SLC17A2: variants seen among roughly 807,000 people sequenced by gnomAD.
The protein encoded by SLC17A2 is sodium-dependent phosphate transport protein 3.
A neutral mutation model predicts 52.1 loss-of-function variants in SLC17A2; 38 were observed. The observed-to-expected ratio is 0.73, with a 90% CI of 0.56 to 0.96. The LOEUF (loss-of-function observed/expected upper bound fraction) is 0.96, where lower values mean the gene tolerates loss of function less well. Among genes scored for constraint, SLC17A2 ranks in the 40% least tolerant of loss-of-function variants. SLC17A2 has a pLI of 0.00. For synonymous variants in SLC17A2, 226 were observed against 211.9 expected, an observed-to-expected ratio of 1.07 and a Z score of -0.58; for missense variants, 508 against 583.9, an observed-to-expected ratio of 0.87 and a Z score of 1.34.
Position 25,925,813 on chromosome 6 carries a change from A to G in SLC17A2, c.-17T>C. The stretch of plus-strand genomic sequence containing the variant: ...CCCGTCCATTTAGCTTCTGTGGGAA[A>G]TGGTACCACGCTTTGTGGTGGAGTT... On this transcript the variant is annotated 5_prime_UTR_variant, in exon 2 of 12. Coordinates refer to ENST00000377850, the MANE Select transcript of SLC17A2 (RefSeq NM_001286123.3). 1 of 1,614,042 alleles carries G rather than the reference A, an allele frequency of 6.2e-7. No homozygotes were observed. Among genetic ancestry groups the G allele is most frequent in the Non-Finnish European group, 8.5e-7 (1 of 1,179,886 alleles).
chr6:25,924,896 G>A (rs1766702669), intron 2 of SLC17A2, among the ~76,000 whole-genome samples: 1 of 151,988 alleles, frequency 6.6e-6, no homozygotes, highest in African/African-American at 2.4e-5. Context: ...ATATTGAAAG[G>A]ACAAATTTTT....
chr6:25,918,866 C>G (rs1561877066), intron 5 of SLC17A2, among the ~76,000 whole-genome samples: 1 of 152,184 alleles, frequency 6.6e-6, no homozygotes, highest in Non-Finnish European at 1.5e-5. Flanking sequence ...AGCCCATTAG[C>G]ATTTTCTTGT....
chr6:25,913,172 G>C lies in SLC17A2; in HGVS notation c.*145C>G. ...TCTCTGGAGTGGGTCCCAAGTATCA[G>C]TGTCTTATAAAGGCTCCCCAGGGAA... On this transcript the variant is annotated 3_prime_UTR_variant, in exon 12 of 12. Coordinates refer to ENST00000377850, the MANE Select transcript of SLC17A2 (RefSeq NM_001286123.3). 1.2e-6 allele frequency: 1 copy of C among 809,054 alleles called. No individual in the cohort carries two copies. The highest frequency in any genetic ancestry group is 2.0e-6 in the Non-Finnish European group (1 of 493,092). 50.1% of individuals were successfully genotyped at this position (809,054 alleles called of 1,614,324 possible).
intron 3 of SLC17A2, among the ~76,000 whole-genome samples, chr6:25,923,049 C>T (rs565542799): frequency 2.6e-5 from 4 of 152,096 alleles, no homozygotes; most frequent in African/African-American, 9.6e-5. Flanking sequence ...TAGCCAGCCG[C>T]GGTGGCATGC....
rs111721248 is a variant in SLC17A2, at chr6:25,915,820, T to C, written c.979A>G (p.Ile327Val). 10 of 1,613,972 alleles carry C rather than the reference T, an allele frequency of 6.2e-6. 1 individual carries two copies. In the African/African-American group the frequency reaches 6.7e-5, roughly 11 times the overall value. The change falls in exon 9 of 12, where the codon ATT becomes GTT. Residue 327 changes from isoleucine (I) to valine (V), a missense_variant. Transcript: ENST00000377850. ...AAATCTGCCAGCTGACCTCCTAAAA[T>C]TGTACAGCTTGCAGCAGCAATAAAA... is the stretch of plus-strand genomic sequence containing the variant. ...LPFIAAASCT[I>V]LGGQLADFLL...
Position 25,913,780 on chromosome 6 carries a change from T to TTTTTG in SLC17A2, c.1303-330_1303-329insCAAAA, listed in dbSNP as rs1554137624. ...TGTGTTTGTGTCTTCTCTGTTTTTT[T>TTTTTG]TTGTTGTTGTTGTTGCTGTTTGTTT... On this transcript the variant is annotated intron_variant, in intron 11 of 11. Transcript: ENST00000377850. Among the ~76,000 whole-genome samples, 61 of 149,560 alleles carry TTTTTG rather than the reference T, an allele frequency of 4.1e-4. No individual in the cohort carries two copies. The Middle Eastern group carries it at 0.01, about 25-fold the overall frequency.
chr6:25,921,240 A>G lies in SLC17A2; in HGVS notation c.413T>C (p.Leu138Pro), dbSNP rs145104693. The G allele has an allele frequency of 3.1e-6, 5 of 1,614,080 alleles. No individual in the cohort carries two copies. The African/African-American group carries it at 5.3e-5, about 17-fold the overall frequency. Residue 138 changes from leucine to proline, a missense_variant, in exon 4 of 12, where the codon CTG (leucine) becomes CCG (proline). By Grantham distance (98) the Leu-to-Pro change is moderately conservative. Transcript: ENST00000377850. ...CAAAATCACTCCGAAGTCAGCAGCC[A>G]GTGGTGTAAAGAGGGTGAGAAGGGA... ...ISSLLTLFTP[L>P]AADFGVILVI...
chr6:25,918,539 C>CA lies in SLC17A2; in HGVS notation c.596dup (p.Leu202ThrfsTer17). The CA allele has an allele frequency of 6.2e-7, 1 of 1,613,640 alleles. No homozygotes were observed. Among genetic ancestry groups the CA allele is most frequent in the African/African-American group, 1.3e-5 (1 of 74,988 alleles). On this transcript the variant is annotated frameshift_variant, in exon 6 of 12. Transcript: ENST00000377850. LOFTEE classifies it high-confidence loss of function. ...TCAAGGCCTGTGAGATTAGTCCCCC[C>CA]ACACAGAGGATGATGAAGGATCCAA...
At position 25,921,249 on chromosome 6, in the gene SLC17A2, A is replaced by C; in HGVS notation, c.404T>G (p.Phe135Cys). The C allele has an allele frequency of 6.2e-7, 1 of 1,614,146 alleles. No homozygotes were observed. Residue 135 changes from phenylalanine (F) to cysteine (C), a missense_variant, in exon 4 of 12, where the codon TTT becomes TGT. Phe to Cys is a radical substitution (Grantham distance 205). Coordinates refer to ENST00000377850, the MANE Select transcript of SLC17A2 (RefSeq NM_001286123.3). ...TCCGAAGTCAGCAGCCAGTGGTGTA[A>C]AGAGGGTGAGAAGGGAAGAGATCAG... ...GLLISSLLTL[F>C]TPLAADFGVI...
Position 25,921,338 on chromosome 6 carries a change from A to G in SLC17A2, c.315T>C (p.Thr105=), listed in dbSNP as rs1193960636. The G allele has an allele frequency of 3.1e-6, 5 of 1,614,158 alleles. No individual in the cohort carries two copies. The highest frequency in any genetic ancestry group is 3.4e-6 in the Non-Finnish European group (4 of 1,180,018). ...FSSINYGIIL[T]LIPSGYLAGI... Reference sequence around the variant, plus strand: ...CTGCTAAATATCCACTTGGGATCAGAGTCAGTATTATCCCATAGTTGATGG... The same window carrying G: ...CTGCTAAATATCCACTTGGGATCAGGGTCAGTATTATCCCATAGTTGATGG... Residue 105 remains threonine, a synonymous_variant, in exon 4 of 12, where the codon ACT becomes ACC. Transcript: ENST00000377850.
rs763757789 is a variant in SLC17A2, at chr6:25,916,849, G to A, written c.769-3C>T. On this transcript the variant is annotated splice_region_variant and splice_polypyrimidine_tract_variant and intron_variant, in intron 7 of 11. Coordinates refer to ENST00000377850, the MANE Select transcript of SLC17A2 (RefSeq NM_001286123.3). ...ACAGCTCGTCCAGGAGAACTGGGCT[G>A]AAAAGAAAGATCTAATCAGCATGAG... The A allele has an allele frequency of 6.2e-7, 1 of 1,614,080 alleles. No homozygotes were observed.
Position 25,923,902 on chromosome 6 carries a change from T to C in SLC17A2, c.33A>G (p.Pro11=). 1 of 1,613,706 alleles carries C rather than the reference T, an allele frequency of 6.2e-7. No homozygotes were observed. Among genetic ancestry groups the C allele is most frequent in the Non-Finnish European group, 8.5e-7 (1 of 1,179,838 alleles). ...GCCCATAGCGTAATGAACAGAAATCTGGACCTAGACAACAACACAGATGTA... is the reference window on the plus strand; with the variant it reads ...GCCCATAGCGTAATGAACAGAAATCCGGACCTAGACAACAACACAGATGTA... MDGKPATRKG[P]DFCSLRYGLA... The change falls in exon 3 of 12, where the codon CCA becomes CCG. Residue 11 remains proline, a synonymous_variant. Transcript: ENST00000377850.
Position 25,925,754 on chromosome 6 carries a change from G to T in SLC17A2, c.28+15C>A. 1.2e-6 allele frequency: 2 copies of T among 1,612,428 alleles called. No homozygotes were observed. The highest frequency in any genetic ancestry group is 1.1e-5 in the South Asian group (1 of 91,048). On this transcript the variant is annotated intron_variant, in intron 2 of 11. Coordinates refer to ENST00000377850, the MANE Select transcript of SLC17A2 (RefSeq NM_001286123.3). ...GCTTATTAACATAGCCTGCAAACAA[G>T]AGCAGTGGCTTTACCTTTCCTGGTG...
chr6:25,925,251 T>G (rs1312132552), intron 2 of SLC17A2, among the ~76,000 whole-genome samples: 1 of 152,122 alleles, frequency 6.6e-6, no homozygotes, highest in Non-Finnish European at 1.5e-5. Context: ...TGGTGGCCCA[T>G]GCCTGTAATC....
chr6:25,920,844 T>C (rs766573295), intron 5 of SLC17A2, among the ~76,000 whole-genome samples, 162 bp downstream of exon 5: 2 of 152,268 alleles, frequency 1.3e-5, no homozygotes, highest in Non-Finnish European at 2.9e-5. Flanking sequence ...ATGTCTTTAC[T>C]GCACAGATGC....
intron 8 of SLC17A2, 91 bp from the exon 9 acceptor site, chr6:25,915,959 A>C: frequency 8.0e-7 from 1 of 1,250,340 alleles, no homozygotes; most frequent in Non-Finnish European, 1.1e-6. Context: ...ACTTACCCCC[A>C]TGATACTGTG....
At chr6:25,922,113 ATAAAG>A (rs769236556) in intron 3 of SLC17A2, among the ~76,000 whole-genome samples, 1 of 151,732 alleles carries the variant, frequency 6.6e-6, no homozygotes, top group Non-Finnish European at 1.5e-5. Context: ...GCATCATGCT[ATAAAG>A]TAGAGAGCCA....
In SLC17A2 at chr6:25,916,861, C is replaced by T. The variant is rs1242719570; in HGVS notation, c.769-15G>A. 6.2e-7 allele frequency: 1 copy of T among 1,614,038 alleles called. No individual in the cohort carries two copies. Among genetic ancestry groups the T allele is most frequent in the Non-Finnish European group, 8.5e-7 (1 of 1,179,962 alleles). The stretch of plus-strand genomic sequence containing the variant: ...GGAGAACTGGGCTGAAAAGAAAGAT[C>T]TAATCAGCATGAGTATTAGAGCAGC... On this transcript the variant is annotated splice_polypyrimidine_tract_variant and intron_variant, in intron 7 of 11. Transcript: ENST00000377850.
intron 3 of SLC17A2, among the ~76,000 whole-genome samples, chr6:25,923,211 G>A (rs183661468): frequency 6.7e-6 from 1 of 149,566 alleles, no homozygotes; most frequent in East Asian, 1.9e-4. Flanking sequence ...CAAACAAACA[G>A]CAAAATTGGC....
Sources: allele counts gnomAD v4.1 joint callset (sites outside exome capture counted in the v4.1 genomes callset), GRCh38; gene constraint gnomAD v4.1.1; transcripts MANE v1.5; gene names NCBI Gene and HGNC (gene_info 2026-07-23, HGNC 2026-07-21).